The following RORA variants were observed in gnomAD, a reference collection of about 807,000 sequenced individuals.
RORA encodes the protein nuclear receptor ROR-alpha.
Under a neutral mutation model 69.5 loss-of-function variants are expected in RORA, and 7 were observed. That is an observed-to-expected ratio of 0.10 (90% confidence interval 0.06 to 0.19). RORA has a LOEUF of 0.19. Among genes scored for constraint, RORA ranks in the 10% least tolerant of loss-of-function variants. The probability of loss-of-function intolerance (pLI) is 1.00; values close to 1 mark genes in which losing one functional copy is unlikely to be tolerated. For missense variants in RORA, 457 were observed against 663.0 expected (o/e 0.69, Z 3.41); for synonymous variants, 261 against 240.8 (o/e 1.08, Z -0.78).
At chr15:60,855,112 T>C (rs1397238906) in intron 1 of RORA, among the ~76,000 whole-genome samples, 1 of 152,218 alleles carries the variant, frequency 6.6e-6, no homozygotes, top group East Asian at 1.9e-4. Context: ...CTCTCGGCAC[T>C]GTTTGCTTTA....
intron 1 of RORA, among the ~76,000 whole-genome samples, chr15:61,187,947 A>G (rs1260899675): frequency 6.6e-6 from 1 of 151,212 alleles, no homozygotes; most frequent in Non-Finnish European, 1.5e-5. Flanking sequence ...CTCTCCCTCA[A>G]CCCTCCCCTA....
chr15:61,187,770 A>G (rs1383654084), intron 1 of RORA, among the ~76,000 whole-genome samples: 1 of 152,212 alleles, frequency 6.6e-6, no homozygotes, highest in Non-Finnish European at 1.5e-5. Context: ...ACTGTTGGCA[A>G]GAGCTGCTGC....
Position 60,957,799 on chromosome 15 carries a change from TA to T in RORA, c.166+271253del, listed in dbSNP as rs141614219. ...TAGAGACTGTTCTAAAAGAGTTAAT[TA>T]TCCTAGTGAACTGCTACATTTTCTT... On this transcript the variant is annotated intron_variant, in intron 1 of 10. Coordinates refer to ENST00000335670, the MANE Select transcript of RORA (RefSeq NM_134261.3). Among the ~76,000 whole-genome samples the T allele has an allele frequency of 5.5e-3, 836 of 152,282 alleles. 7 individuals carry two copies. The highest frequency in any genetic ancestry group is 0.019 in the African/African-American group (794 of 41,558).
At chr15:61,080,955 T>C (rs890820702) in intron 1 of RORA, among the ~76,000 whole-genome samples, 4 of 152,214 alleles carry the variant, frequency 2.6e-5, no homozygotes, top group Non-Finnish European at 5.9e-5. Context: ...TTTTGTCAAC[T>C]TGTCATTTGA....
chr15:60,972,225 C>T (rs184441377), intron 1 of RORA, among the ~76,000 whole-genome samples: 2 of 152,296 alleles, frequency 1.3e-5, no homozygotes, highest in Admixed American at 1.3e-4. Context: ...TGGAAACCAT[C>T]AAGAGCCACT....
At chr15:61,216,699 G>A (rs1205349629) in intron 1 of RORA, among the ~76,000 whole-genome samples, 1 of 152,122 alleles carries the variant, frequency 6.6e-6, no homozygotes, top group African/African-American at 2.4e-5. Flanking sequence ...GAAGGAAGAA[G>A]CCAGACAGGT....
intron 1 of RORA, among the ~76,000 whole-genome samples, chr15:60,974,843 A>G: frequency 6.6e-6 from 1 of 152,206 alleles, no homozygotes; most frequent in East Asian, 1.9e-4. Flanking sequence ...CAGCTTACAG[A>G]ACCTTTGCAA....
At chr15:60,942,802 A>G (rs1332851210) in intron 1 of RORA, among the ~76,000 whole-genome samples, 2 of 152,168 alleles carry the variant, frequency 1.3e-5, no homozygotes, top group African/African-American at 4.8e-5. Context: ...GGAGGTGGGG[A>G]GGACACAGGC....
intron 1 of RORA, among the ~76,000 whole-genome samples, chr15:60,760,851 GAC>G (rs150514615): frequency 1.2e-4 from 18 of 149,666 alleles, no homozygotes; most frequent in Middle Eastern, 3.5e-3. Flanking sequence ...CATGCAGACA[GAC>G]ACACACACAC....
rs530738854 is a variant in RORA at position 60,589,871 on chromosome 15, A to C, written c.197-58020T>G. 7.9e-5 allele frequency among the ~76,000 whole-genome samples: 12 copies of C among 152,324 alleles called. No individual in the cohort carries two copies. The South Asian group carries it at 2.3e-3, about 29-fold the overall frequency. On this transcript the variant is annotated intron_variant, in intron 2 of 10. Coordinates refer to ENST00000335670, the MANE Select transcript of RORA (RefSeq NM_134261.3). ...ATGCATCCACATACCAAAAAGCTAT[A>C]TTGTAAACAGTATTTCTGTTTTGCA... is the stretch of plus-strand genomic sequence containing the variant.
In RORA at chr15:60,514,775, A is replaced by G; in HGVS notation, c.283-18T>C. The G allele has an allele frequency of 6.2e-7, 1 of 1,609,994 alleles. No homozygotes were observed. Among genetic ancestry groups the G allele is most frequent in the African/African-American group, 1.3e-5 (1 of 74,956 alleles). On this transcript the variant is annotated intron_variant, in intron 3 of 10. Coordinates refer to ENST00000335670, the MANE Select transcript of RORA (RefSeq NM_134261.3). ...AAAAAGCCCTGTGATATGGTTATAA[A>G]ATATAAAACAGGTTAGTGTCAGAAT...
chr15:60,688,365 T>C (rs1181332249), intron 1 of RORA, among the ~76,000 whole-genome samples: 1 of 152,140 alleles, frequency 6.6e-6, no homozygotes, highest in African/African-American at 2.4e-5. Context: ...TGTCTATGTT[T>C]TCTAAAATTT....
At chr15:60,558,597 A>T (rs1490289621) in intron 2 of RORA, among the ~76,000 whole-genome samples, 1 of 152,240 alleles carries the variant, frequency 6.6e-6, no homozygotes, top group Admixed American at 6.5e-5. Flanking sequence ...CCCCTTCTAA[A>T]GATATGGTTG....
intron 1 of RORA, among the ~76,000 whole-genome samples, chr15:61,060,851 T>C (rs1364348133): frequency 1.3e-5 from 2 of 152,190 alleles, no homozygotes; most frequent in African/African-American, 2.4e-5. Flanking sequence ...AAAAAAAAAT[T>C]ACAAAAATAC....
rs141433115 is a variant in RORA at position 61,218,674 on chromosome 15, T to TCTCACA, written c.166+10378_166+10379insTGTGAG. On this transcript the variant is annotated intron_variant, in intron 1 of 10. Transcript: ENST00000335670. ...GTCCAAGTTAATTTACTAATATAAC[T>TCTCACA]CACACACACACACACACACACACAC... Among the ~76,000 whole-genome samples the TCTCACA allele has an allele frequency of 4.1e-4, 59 of 142,950 alleles. 1 individual carries two copies. The highest frequency in any genetic ancestry group is 1.3e-3 in the African/African-American group (51 of 38,792). 93.8% of individuals were successfully genotyped at this position (142,950 alleles called of 152,430 possible).
At chr15:60,884,928 G>A (rs1278882076) in intron 1 of RORA, among the ~76,000 whole-genome samples, 2 of 152,174 alleles carry the variant, frequency 1.3e-5, no homozygotes, top group Non-Finnish European at 2.9e-5. Flanking sequence ...GTGAGAGGAA[G>A]GTGGGAGTCA....
intron 1 of RORA, among the ~76,000 whole-genome samples, chr15:61,093,904 T>C (rs1413336785): frequency 6.6e-6 from 1 of 152,226 alleles, no homozygotes; most frequent in African/African-American, 2.4e-5. Flanking sequence ...ATGTCTGCCA[T>C]GTCAATGACC....
chr15:61,108,740 A>T (rs1171558028), intron 1 of RORA, among the ~76,000 whole-genome samples: 1 of 152,224 alleles, frequency 6.6e-6, no homozygotes, highest in Non-Finnish European at 1.5e-5. Flanking sequence ...GATTAATTCA[A>T]CAGTGGTCAT....
intron 1 of RORA, among the ~76,000 whole-genome samples, chr15:60,836,565 G>C (rs2073118297): frequency 6.6e-6 from 1 of 152,114 alleles, no homozygotes; most frequent in Admixed American, 6.5e-5. Context: ...CTCTCCCTGG[G>C]TCTAAGCTCC....
Sources: gnomAD v4.1 joint callset for allele counts (sites outside exome capture counted in the v4.1 genomes callset) on GRCh38, gnomAD v4.1.1 for gene constraint, MANE v1.5 for transcripts, NCBI Gene and HGNC (gene_info 2026-07-23, HGNC 2026-07-21) for gene names.